Variants in TMEM117 observed in about 807,000 individuals in gnomAD.
TMEM117 encodes transmembrane protein 117.
Under a neutral mutation model 52.4 loss-of-function variants are expected in TMEM117, and 27 were observed. The ratio of observed to expected loss-of-function variants is 0.51; its 90% CI spans 0.38 to 0.71. The LOEUF (loss-of-function observed/expected upper bound fraction) is 0.71. TMEM117 is among the 30% of genes least tolerant of loss of function. The pLI, the probability that TMEM117 is intolerant of heterozygous loss-of-function variation, is 0.00. For missense variants in TMEM117, 556 were observed against 630.5 expected, an observed-to-expected ratio of 0.88 and a Z score of 1.26; for synonymous variants, 215 against 206.3, an observed-to-expected ratio of 1.04 and a Z score of -0.36.
chr12:44,186,460 G>A (rs1949279703), intron 4 of TMEM117, among the ~76,000 whole-genome samples: 1 of 152,152 alleles, frequency 6.6e-6, no homozygotes, highest in Admixed American at 6.6e-5. Flanking sequence ...ATGGAAAGAT[G>A]CAGAGAGGGC....
chr12:43,934,033 T>C (rs969210061), intron 2 of TMEM117, among the ~76,000 whole-genome samples: 9 of 152,238 alleles, frequency 5.9e-5, no homozygotes, highest in Non-Finnish European at 7.3e-5. Context: ...TTAAGTGATA[T>C]CAAATTGCTG....
At chr12:44,385,919 T>C (rs189540473) in intron 7 of TMEM117, among the ~76,000 whole-genome samples, 2 of 152,260 alleles carry the variant, frequency 1.3e-5, no homozygotes, top group African/African-American at 2.4e-5. Context: ...CTTTCTTCCA[T>C]GTTATCTCAT....
At chr12:43,847,986 A>C (rs1282756411) in intron 2 of TMEM117, among the ~76,000 whole-genome samples, 4 of 152,214 alleles carry the variant, frequency 2.6e-5, no homozygotes, top group Admixed American at 6.5e-5. Flanking sequence ...GTCTCAGACC[A>C]GCAAGTTTTT....
At chr12:43,888,498 A>G (rs1944039682) in intron 2 of TMEM117, among the ~76,000 whole-genome samples, 1 of 148,688 alleles carries the variant, frequency 6.7e-6, no homozygotes, top group African/African-American at 2.5e-5. Flanking sequence ...AAGTTAGGGG[A>G]TATTTATTGA....
Position 44,223,326 on chromosome 12 carries a change from C to G in TMEM117, c.608+11939C>G, listed in dbSNP as rs117452870. ...GCCATTCCATATGAATTTCTTTACA[C>G]GAAGTTCTCCTTTTTCAGCATTATC... On this transcript the variant is annotated intron_variant, in intron 5 of 7. Coordinates refer to ENST00000266534, the MANE Select transcript of TMEM117 (RefSeq NM_032256.3). Among the ~76,000 whole-genome samples, 423 of 151,846 alleles carry G rather than the reference C, an allele frequency of 2.8e-3. 2 individuals are homozygous for G. The highest frequency in any genetic ancestry group is 0.01 in the Middle Eastern group (3 of 294).
intron 5 of TMEM117, among the ~76,000 whole-genome samples, chr12:44,258,492 G>A (rs1197024383): frequency 1.3e-5 from 2 of 151,918 alleles, no homozygotes; most frequent in East Asian, 3.9e-4. Context: ...TAACATTAAA[G>A]CATCACCAGG....
intron 4 of TMEM117, among the ~76,000 whole-genome samples, chr12:44,208,985 A>C (rs1949610795): frequency 6.6e-6 from 1 of 152,086 alleles, no homozygotes; most frequent in Non-Finnish European, 1.5e-5. Flanking sequence ...GAACAGGATA[A>C]ATATTGCCTA....
Position 43,980,236 on chromosome 12 carries a change from C to T in TMEM117, c.410+35894C>T, listed in dbSNP as rs1445515699. The stretch of plus-strand genomic sequence containing the variant: ...GGAGGTAGTAAGGTAGGTGATAGTT[C>T]TTCCTCCCTTTCCCATTTAGGCTCT... On this transcript the variant is annotated intron_variant, in intron 3 of 7. Coordinates refer to ENST00000266534, the MANE Select transcript of TMEM117 (RefSeq NM_032256.3). 4.6e-5 allele frequency among the ~76,000 whole-genome samples: 7 copies of T among 152,138 alleles called. No individual in the cohort carries two copies. In the South Asian group the frequency reaches 1.4e-3, roughly 31 times the overall value.
chr12:44,157,119 T>C (rs539091675), intron 4 of TMEM117, among the ~76,000 whole-genome samples: 1 of 152,292 alleles, frequency 6.6e-6, no homozygotes, highest in African/African-American at 2.4e-5. Flanking sequence ...AACAATCCTT[T>C]TATAATTTTG....
At chr12:44,242,436 A>T (rs1449151386) in intron 5 of TMEM117, among the ~76,000 whole-genome samples, 2 of 151,918 alleles carry the variant, frequency 1.3e-5, no homozygotes, top group African/African-American at 4.8e-5. Flanking sequence ...AATGGACTCC[A>T]GCTCCATCGT....
chr12:44,353,700 C>A (rs980257345), intron 6 of TMEM117, among the ~76,000 whole-genome samples: 13 of 152,172 alleles, frequency 8.5e-5, no homozygotes, highest in African/African-American at 2.6e-4. Context: ...GTTACTGTAG[C>A]CTTGTAGTAT....
chr12:44,291,385 T>TGTTTG (rs1338521401), intron 5 of TMEM117, among the ~76,000 whole-genome samples: 1 of 148,906 alleles, frequency 6.7e-6, no homozygotes, highest in African/African-American at 2.5e-5. Flanking sequence ...TTTTTTTTTT[T>TGTTTG]TTTTTTTTTT....
chr12:43,912,656 AT>A (rs1165376154), intron 2 of TMEM117, among the ~76,000 whole-genome samples: 1 of 151,758 alleles, frequency 6.6e-6, no homozygotes, highest in Non-Finnish European at 1.5e-5. Context: ...TGTTTAATGA[AT>A]GAAAATAATG....
chr12:44,175,306 A>G (rs999693051), intron 4 of TMEM117, among the ~76,000 whole-genome samples: 1 of 152,136 alleles, frequency 6.6e-6, no homozygotes, highest in Non-Finnish European at 1.5e-5. Flanking sequence ...ATTTCGTGAT[A>G]CTAGTGGTGG....
chr12:44,208,468 A>G (rs1271294235), intron 4 of TMEM117, among the ~76,000 whole-genome samples: 2 of 152,308 alleles, frequency 1.3e-5, no homozygotes, highest in South Asian at 2.1e-4. Flanking sequence ...CAGAAACCTC[A>G]TGGCATTGTC....
chr12:43,850,871 GGTGA>G (rs1943295929), intron 2 of TMEM117, among the ~76,000 whole-genome samples: 7 of 151,504 alleles, frequency 4.6e-5, no homozygotes, highest in African/African-American at 1.5e-4. Flanking sequence ...TGATGATGAT[GGTGA>G]TGATGATGAT....
intron 5 of TMEM117, among the ~76,000 whole-genome samples, chr12:44,260,110 G>A (rs940698750): frequency 7.2e-5 from 11 of 152,154 alleles, no homozygotes; most frequent in Admixed American, 3.9e-4. Context: ...TACAAGAAGC[G>A]TCTTTCCATG....
At chr12:44,258,330 C>T (rs1035885532) in intron 5 of TMEM117, among the ~76,000 whole-genome samples, 4 of 152,062 alleles carry the variant, frequency 2.6e-5, no homozygotes, top group African/African-American at 9.7e-5. Context: ...AATGAGCAGC[C>T]GTGGCCTCAT....
intron 3 of TMEM117, among the ~76,000 whole-genome samples, chr12:43,957,186 A>AGAGCTGAT (rs2137651622): frequency 6.6e-6 from 1 of 152,226 alleles, no homozygotes; most frequent in East Asian, 1.9e-4. Context: ...ATTAGAGAAA[A>AGAGCTGAT]GAGCTGATGC....
Sources: allele counts gnomAD v4.1 joint callset (sites outside exome capture counted in the v4.1 genomes callset), GRCh38; gene constraint gnomAD v4.1.1; transcripts MANE v1.5; gene names NCBI Gene and HGNC (gene_info 2026-07-23, HGNC 2026-07-21).